MDGA2: variants seen among roughly 807,000 people sequenced by gnomAD.
The protein encoded by MDGA2 is MAM domain containing glycosylphosphatidylinositol anchor 2.
A neutral mutation model predicts 117.8 loss-of-function variants in MDGA2; 40 were observed. That is an observed-to-expected ratio of 0.34 (90% confidence interval 0.26 to 0.44). MDGA2 has a LOEUF of 0.44. Among genes scored for constraint, MDGA2 ranks in the 20% least tolerant of loss-of-function variants. The probability of loss-of-function intolerance (pLI) is 1.00; values close to 1 mark genes in which losing one functional copy is unlikely to be tolerated. For synonymous variants in MDGA2, 452 were observed against 439.0 expected (o/e 1.03, Z -0.37); for missense variants, 1,123 against 1,250.6 (o/e 0.90, Z 1.54).
intron 8 of MDGA2, among the ~76,000 whole-genome samples, chr14:47,033,400 G>A (rs1888731210): frequency 6.6e-6 from 1 of 152,156 alleles, no homozygotes; most frequent in African/African-American, 2.4e-5. Flanking sequence ...GAACACTGAA[G>A]CTTTGTGCAT....
chr14:47,002,155 A>C (rs1887554674), intron 8 of MDGA2, among the ~76,000 whole-genome samples: 1 of 152,100 alleles, frequency 6.6e-6, no homozygotes, highest in Admixed American at 6.6e-5. Context: ...ATAATTATAA[A>C]ACAATGTAAA....
At chr14:47,422,678 G>A (rs12148025) in intron 1 of MDGA2, among the ~76,000 whole-genome samples, 36,264 of 151,774 alleles carry the variant, frequency 0.24, 4,629 homozygotes, top group Middle Eastern at 0.41. Flanking sequence ...CTATTCGTAG[G>A]TATCGACTGA....
At chr14:47,658,228 T>C (rs1022653956) in intron 1 of MDGA2, among the ~76,000 whole-genome samples, 9 of 152,160 alleles carry the variant, frequency 5.9e-5, no homozygotes, top group South Asian at 2.1e-4. Flanking sequence ...GCTGCTGTTA[T>C]GTAACATGAG....
chr14:47,168,990 T>TAA (rs1412736598), intron 3 of MDGA2, among the ~76,000 whole-genome samples: 2 of 152,204 alleles, frequency 1.3e-5, no homozygotes, highest in South Asian at 2.1e-4. Flanking sequence ...TCATTATTGA[T>TAA]AAAATTAAGT....
intron 3 of MDGA2, among the ~76,000 whole-genome samples, chr14:47,205,030 A>C (rs1397992489): frequency 6.6e-6 from 1 of 151,952 alleles, no homozygotes; most frequent in Non-Finnish European, 1.5e-5. Flanking sequence ...ATATACTAGC[A>C]AATTTTTTCA....
At chr14:47,470,265 G>T (rs1566473291) in intron 1 of MDGA2, among the ~76,000 whole-genome samples, 1 of 124,932 alleles carries the variant, frequency 8.0e-6, no homozygotes, top group Non-Finnish European at 1.7e-5. Flanking sequence ...CCTTCCCCCA[G>T]CCCCCCCACC....
At chr14:47,587,693 A>G (rs1307243078) in intron 1 of MDGA2, among the ~76,000 whole-genome samples, 1 of 151,934 alleles carries the variant, frequency 6.6e-6, no homozygotes, top group Non-Finnish European at 1.5e-5. Context: ...ATTTTTTAAC[A>G]TATTTTTAAT....
intron 1 of MDGA2, among the ~76,000 whole-genome samples, chr14:47,481,145 A>G (rs749302309): frequency 2.6e-5 from 4 of 152,024 alleles, no homozygotes; most frequent in Non-Finnish European, 4.4e-5. Flanking sequence ...TGATGCTAAG[A>G]AAAGATACTA....
chr14:47,384,198 G>T (rs1891706305), intron 1 of MDGA2, among the ~76,000 whole-genome samples: 1 of 151,372 alleles, frequency 6.6e-6, no homozygotes. Context: ...ATTCCAGGAG[G>T]CAATAAGGAA....
chr14:47,372,183 C>A (rs1891374823), intron 1 of MDGA2, among the ~76,000 whole-genome samples: 1 of 151,630 alleles, frequency 6.6e-6, no homozygotes, highest in East Asian at 1.9e-4. Context: ...TATTCTACCA[C>A]CAGCAGGCAG....
At chr14:47,188,242 A>C (rs1884983304) in intron 3 of MDGA2, among the ~76,000 whole-genome samples, 1 of 152,140 alleles carries the variant, frequency 6.6e-6, no homozygotes, top group Admixed American at 6.6e-5. Context: ...GACTTCTAAC[A>C]AACAGAATAC....
At chr14:47,539,591 C>T (rs1456138970) in intron 1 of MDGA2, among the ~76,000 whole-genome samples, 2 of 152,176 alleles carry the variant, frequency 1.3e-5, no homozygotes, top group Non-Finnish European at 2.9e-5. Flanking sequence ...TGGGACCTAC[C>T]TGCATCCTTT....
intron 1 of MDGA2, among the ~76,000 whole-genome samples, chr14:47,399,392 A>G (rs905323621): frequency 5.9e-5 from 9 of 152,220 alleles, no homozygotes; most frequent in African/African-American, 2.2e-4. Flanking sequence ...AATAGGAAAT[A>G]TCTATTTGCA....
intron 1 of MDGA2, among the ~76,000 whole-genome samples, chr14:47,652,209 C>G (rs139569174): frequency 3.3e-5 from 5 of 152,262 alleles, no homozygotes; most frequent in Admixed American, 6.5e-5. Context: ...TAATTATCTG[C>G]TAGAAAGTAT....
chr14:47,150,174 G>C (rs1373006457), intron 3 of MDGA2, among the ~76,000 whole-genome samples: 3 of 152,160 alleles, frequency 2.0e-5, no homozygotes, highest in African/African-American at 7.2e-5. Context: ...AGATGGTTTA[G>C]GATAATTTGA....
intron 2 of MDGA2, among the ~76,000 whole-genome samples, chr14:47,239,379 T>C (rs557483504): frequency 5.3e-5 from 8 of 151,930 alleles, no homozygotes; most frequent in Admixed American, 3.3e-4. Flanking sequence ...ATGTCTAATA[T>C]AAATTACTGT....
At chr14:47,254,461 G>T (rs567935658) in intron 2 of MDGA2, among the ~76,000 whole-genome samples, 16 of 152,216 alleles carry the variant, frequency 1.1e-4, no homozygotes, top group African/African-American at 3.4e-4. Context: ...AGCAAGAGTT[G>T]CCTCTCCTCC....
intron 3 of MDGA2, among the ~76,000 whole-genome samples, chr14:47,155,414 T>C (rs1883327788): frequency 6.6e-6 from 1 of 152,018 alleles, no homozygotes; most frequent in Non-Finnish European, 1.5e-5. Context: ...AACCCAGACC[T>C]AGCAGCTCCC....
chr14:47,644,449 G>C (rs887713329), intron 1 of MDGA2, among the ~76,000 whole-genome samples: 2 of 152,084 alleles, frequency 1.3e-5, no homozygotes, highest in African/African-American at 4.8e-5. Context: ...AAGTGAAACA[G>C]GACAGACACA....
Sources: allele counts gnomAD v4.1 joint callset (sites outside exome capture counted in the v4.1 genomes callset), GRCh38; gene constraint gnomAD v4.1.1; transcripts MANE v1.5; gene names NCBI Gene and HGNC (gene_info 2026-07-23, HGNC 2026-07-21).